Variants in ADGRB3 observed in about 807,000 individuals in gnomAD.
ADGRB3 encodes the protein adhesion G protein-coupled receptor B3, also known as brain-specific angiogenesis inhibitor 3.
Under a neutral mutation model 193.4 loss-of-function variants are expected in ADGRB3, and 37 were observed. The ratio of observed to expected loss-of-function variants is 0.19; its 90% confidence interval spans 0.15 to 0.25. The LOEUF is 0.25. ADGRB3 is among the 10% of genes least tolerant of loss of function. The pLI is 1.00. For synonymous variants in ADGRB3, 690 were observed against 644.2 expected (o/e 1.07, Z -1.08); for missense variants, 1,637 against 1,852.9 (o/e 0.88, Z 2.14).
At chr6:68,979,941 T>C (rs1433041497) in intron 10 of ADGRB3, among the ~76,000 whole-genome samples, 1 of 151,414 alleles carries the variant, frequency 6.6e-6, no homozygotes, top group Non-Finnish European at 1.5e-5. Flanking sequence ...ATTGGCAGAA[T>C]GTATGCCCCT....
chr6:69,348,497 A>AG (rs1769155487), intron 26 of ADGRB3, among the ~76,000 whole-genome samples: 1 of 150,826 alleles, frequency 6.6e-6, no homozygotes, highest in African/African-American at 2.4e-5. Flanking sequence ...AAAATGCAAA[A>AG]AAAAAAAAAA....
intron 17 of ADGRB3, among the ~76,000 whole-genome samples, chr6:69,184,564 G>A (rs1479768107): frequency 6.6e-6 from 1 of 151,950 alleles, no homozygotes; most frequent in African/African-American, 2.4e-5. Context: ...AAATCCAAAA[G>A]CAGAATTATT....
chr6:68,857,486 T>TTGAC (rs1765020905), intron 3 of ADGRB3, among the ~76,000 whole-genome samples: 1 of 152,142 alleles, frequency 6.6e-6, no homozygotes, highest in South Asian at 2.1e-4. Context: ...GCTTTAAGAG[T>TTGAC]TGACTGTCCT....
chr6:68,890,422 G>T (rs1193708239), intron 3 of ADGRB3, among the ~76,000 whole-genome samples: 2 of 152,144 alleles, frequency 1.3e-5, no homozygotes, highest in African/African-American at 4.8e-5. Flanking sequence ...CTTTTTTAAA[G>T]GAACTTTGTT....
At chr6:68,654,582 T>C (rs192745962) in intron 3 of ADGRB3, among the ~76,000 whole-genome samples, 294 of 152,044 alleles carry the variant, frequency 1.9e-3, no homozygotes, top group Middle Eastern at 6.8e-3. Flanking sequence ...ATATCTGATC[T>C]GTCACACACA....
intron 3 of ADGRB3, among the ~76,000 whole-genome samples, chr6:68,719,681 C>A (rs1765543019): frequency 1.3e-5 from 2 of 151,616 alleles, no homozygotes; most frequent in Non-Finnish European, 2.9e-5. Flanking sequence ...GATACAATTT[C>A]TCTTCTCCTA....
intron 17 of ADGRB3, among the ~76,000 whole-genome samples, chr6:69,210,657 G>C (rs1212296868): frequency 2.0e-5 from 3 of 152,136 alleles, no homozygotes; most frequent in African/African-American, 4.8e-5. Context: ...TGTTGGGAAT[G>C]CAGACATAAG....
At chr6:69,001,927 G>A (rs1769590299) in intron 11 of ADGRB3, among the ~76,000 whole-genome samples, 1 of 152,124 alleles carries the variant, frequency 6.6e-6, no homozygotes, top group African/African-American at 2.4e-5. Context: ...CTCACTCTGT[G>A]TAATAATACA....
Position 69,388,787 on chromosome 6 carries a change from G to C in ADGRB3, c.4465G>C (p.Asp1489His). ...GCATTACACCACAATCAATGTCTTA[G>C]ACACAGAGGCAAAGGATGCTTTGGA... Reference protein sequence around the residue: ...YPHYTTINVLDTEAKDALELR... With the variant: ...YPHYTTINVLHTEAKDALELR... Residue 1489 changes from aspartate to histidine, a missense_variant, in exon 32 of 32, where the codon GAC becomes CAC. Asp to His is a moderately conservative substitution (Grantham distance 81). Transcript: ENST00000370598. 6.2e-7 allele frequency: 1 copy of C among 1,613,518 alleles called. No homozygotes were observed. Among genetic ancestry groups the C allele is most frequent in the Non-Finnish European group, 8.5e-7 (1 of 1,179,680 alleles).
Position 68,663,410 on chromosome 6 carries a change from A to G in ADGRB3, c.757+23978A>G, listed in dbSNP as rs886959377. 3.1e-4 allele frequency among the ~76,000 whole-genome samples: 47 copies of G among 151,618 alleles called. 1 individual carries two copies. Among genetic ancestry groups the G allele is most frequent in the Non-Finnish European group, 7.4e-5 (5 of 67,754 alleles). The stretch of plus-strand genomic sequence containing the variant: ...ATATTCTAGTACTTGAAAAATATTT[A>G]TATTTTATTAATTATTTTTGGAGTT... On this transcript the variant is annotated intron_variant, in intron 3 of 31. Transcript: ENST00000370598.
chr6:69,011,133 A>ATGTGTGTGTG (rs1312979149), intron 11 of ADGRB3, among the ~76,000 whole-genome samples: 2 of 97,162 alleles, frequency 2.1e-5, no homozygotes, highest in African/African-American at 9.4e-5. Context: ...ATATACATAT[A>ATGTGTGTGTG]TATGTGTGTG....
At chr6:69,142,605 A>G (rs1487086982) in intron 17 of ADGRB3, among the ~76,000 whole-genome samples, 1 of 152,186 alleles carries the variant, frequency 6.6e-6, no homozygotes, top group East Asian at 1.9e-4. Flanking sequence ...AGGATGAAAA[A>G]GATTGCTCAA....
intron 3 of ADGRB3, among the ~76,000 whole-genome samples, chr6:68,923,809 T>C (rs547878804): frequency 6.6e-6 from 1 of 152,034 alleles, no homozygotes; most frequent in African/African-American, 2.4e-5. Flanking sequence ...AACCAAGCCA[T>C]GTTCTAGTTT....
intron 3 of ADGRB3, among the ~76,000 whole-genome samples, chr6:68,740,492 A>G (rs1326589537): frequency 1.3e-5 from 2 of 152,160 alleles, no homozygotes; most frequent in Non-Finnish European, 2.9e-5. Context: ...AAAAACATCA[A>G]TTTGTATCAA....
chr6:68,778,073 A>G (rs993743692), intron 3 of ADGRB3, among the ~76,000 whole-genome samples: 1 of 152,136 alleles, frequency 6.6e-6, no homozygotes, highest in Non-Finnish European at 1.5e-5. Flanking sequence ...CTGGCCTTTT[A>G]GCCAGTCACA....
At position 68,829,658 on chromosome 6, in the gene ADGRB3, G is replaced by A. The variant is rs140055900; in HGVS notation, c.758-100901G>A. ...ACTCAAGGTCCTGATTTTTATAAAT[G>A]TAAAACAAAAAATTTACAAATACAT... On this transcript the variant is annotated intron_variant, in intron 3 of 31. Coordinates refer to ENST00000370598, the MANE Select transcript of ADGRB3 (RefSeq NM_001704.3). 4.2e-3 allele frequency among the ~76,000 whole-genome samples: 635 copies of A among 152,118 alleles called. 5 individuals are homozygous for A. The highest frequency in any genetic ancestry group is 0.01 in the Admixed American group (157 of 15,286).
intron 20 of ADGRB3, among the ~76,000 whole-genome samples, chr6:69,257,330 T>C (rs1020313991): frequency 3.9e-5 from 6 of 152,174 alleles, no homozygotes; most frequent in African/African-American, 1.4e-4. Flanking sequence ...ATCCATCTGG[T>C]CCTGGACTCT....
At chr6:68,748,953 G>A (rs946399334) in intron 3 of ADGRB3, among the ~76,000 whole-genome samples, 2 of 152,168 alleles carry the variant, frequency 1.3e-5, no homozygotes, top group African/African-American at 4.8e-5. Context: ...AAGGCTTAGG[G>A]CCTCCACCCT....
At chr6:69,117,471 A>C (rs1025603223) in intron 17 of ADGRB3, among the ~76,000 whole-genome samples, 4 of 152,190 alleles carry the variant, frequency 2.6e-5, no homozygotes, top group Non-Finnish European at 5.9e-5. Flanking sequence ...AGCAGAAGGA[A>C]CAGAAAAAGA....
Sources: gnomAD v4.1 joint callset for allele counts (sites outside exome capture counted in the v4.1 genomes callset) on GRCh38, gnomAD v4.1.1 for gene constraint, MANE v1.5 for transcripts, NCBI Gene and HGNC (gene_info 2026-07-23, HGNC 2026-07-21) for gene names.